Variants in ZNF609 observed in about 807,000 individuals in gnomAD.
The protein encoded by ZNF609 is zinc finger protein 609.
In ZNF609, 11 loss-of-function variants were observed where a neutral mutation model predicts 109.5. The ratio of observed to expected loss-of-function variants is 0.10; its 90% confidence interval spans 0.06 to 0.17. The LOEUF (loss-of-function observed/expected upper bound fraction) is 0.17, where lower values mean the gene tolerates loss of function less well. ZNF609 is among the 10% of genes least tolerant of loss of function. The pLI, the probability that ZNF609 is intolerant of heterozygous loss-of-function variation, is 1.00. For missense variants in ZNF609, 1,559 were observed against 1,772.4 expected (o/e 0.88, Z 2.16); for synonymous variants, 646 against 662.0 (o/e 0.98, Z 0.37).
chr15:64,537,737 T>C (rs1336497810), intron 2 of ZNF609, among the ~76,000 whole-genome samples: 3 of 152,204 alleles, frequency 2.0e-5, no homozygotes, highest in Non-Finnish European at 4.4e-5. Flanking sequence ...TGTGGCCCTT[T>C]GGCAGAACAC....
At chr15:64,650,158 C>T (rs541083201) in intron 3 of ZNF609, among the ~76,000 whole-genome samples, 31 of 150,900 alleles carry the variant, frequency 2.1e-4, no homozygotes, top group Admixed American at 4.6e-4. Context: ...AATCCTAGCA[C>T]TTTGGGAGGC....
At chr15:64,503,074 GAA>G in intron 2 of ZNF609, 2 of 123,364 alleles carry the variant, frequency 1.6e-5, no homozygotes, top group Non-Finnish European at 3.8e-5. Context: ...AAAAAAAAAA[GAA>G]AGAGAGAAAT....
At chr15:64,566,387 A>G (rs1408636635) in intron 2 of ZNF609, among the ~76,000 whole-genome samples, 1 of 152,212 alleles carries the variant, frequency 6.6e-6, no homozygotes, top group Non-Finnish European at 1.5e-5. Context: ...AGAAAGAAGC[A>G]AGCATGACCA....
chr15:64,581,095 A>G (rs964271427), intron 2 of ZNF609, among the ~76,000 whole-genome samples: 1 of 150,794 alleles, frequency 6.6e-6, no homozygotes, highest in African/African-American at 2.4e-5. Context: ...TTACACTCAT[A>G]GCACACTGTG....
chr15:64,630,480 ATTTAACTT>A (rs1454195732), intron 3 of ZNF609, among the ~76,000 whole-genome samples: 1 of 152,080 alleles, frequency 6.6e-6, no homozygotes, highest in Non-Finnish European at 1.5e-5. Context: ...CAGTATATAT[ATTTAACTT>A]TTCACAGTTT....
intron 2 of ZNF609, among the ~76,000 whole-genome samples, chr15:64,584,606 T>C (rs1895165230): frequency 2.6e-5 from 4 of 151,838 alleles, no homozygotes; most frequent in Admixed American, 2.6e-4. Context: ...GGTCAGCCAC[T>C]GCACCCAGCC....
At chr15:64,617,093 CCA>C (rs1895811823) in intron 2 of ZNF609, among the ~76,000 whole-genome samples, 1 of 151,970 alleles carries the variant, frequency 6.6e-6, no homozygotes, top group African/African-American at 2.4e-5. Flanking sequence ...CAGGCGTGAG[CCA>C]CTGCGTCCGG....
intron 1 of ZNF609, among the ~76,000 whole-genome samples, chr15:64,475,979 T>G (rs1316682038): frequency 6.6e-6 from 1 of 152,180 alleles, no homozygotes; most frequent in African/African-American, 2.4e-5. Flanking sequence ...GGTGAATGCC[T>G]TGAGAAATTG....
intron 2 of ZNF609, among the ~76,000 whole-genome samples, chr15:64,572,931 C>G (rs1358738245): frequency 6.6e-6 from 1 of 152,124 alleles, no homozygotes; most frequent in Admixed American, 6.6e-5. Flanking sequence ...AAGAAAGTCT[C>G]CTTTCCAAAA....
intron 2 of ZNF609, among the ~76,000 whole-genome samples, chr15:64,573,526 ATT>A (rs61063013): frequency 7.1e-6 from 1 of 140,114 alleles, no homozygotes; most frequent in Non-Finnish European, 1.6e-5. Flanking sequence ...GGCTAATTTA[ATT>A]TTTTTTTTTT....
intron 3 of ZNF609, among the ~76,000 whole-genome samples, chr15:64,668,013 A>G (rs570493142): frequency 6.6e-6 from 1 of 152,344 alleles, no homozygotes; most frequent in South Asian, 2.1e-4. Flanking sequence ...TTATTAGAAT[A>G]GAAGTGTGAT....
intron 9 of ZNF609, 26 bp from the exon 10 acceptor site, chr15:64,681,666 G>C: frequency 3.0e-6 from 1 of 338,938 alleles, no homozygotes; most frequent in Admixed American, 4.2e-5. Flanking sequence ...TGAGTGCCTG[G>C]TTATCTGTCC....
At chr15:64,491,923 T>G (rs546534009) in intron 1 of ZNF609, among the ~76,000 whole-genome samples, 1 of 151,642 alleles carries the variant, frequency 6.6e-6, no homozygotes, top group East Asian at 2.0e-4. Context: ...ATGGAGTCTG[T>G]CAGTCACGAC....
In ZNF609 at chr15:64,685,529, C is replaced by A. The variant is rs965246492; in HGVS notation, c.*3843C>A. The A allele has an allele frequency of 6.5e-6, 1 of 152,818 alleles. No homozygotes were observed. Among genetic ancestry groups the A allele is most frequent in the Non-Finnish European group, 1.5e-5 (1 of 68,198 alleles). 9.5% of individuals were successfully genotyped at this position (152,818 alleles called of 1,614,324 possible). On this transcript the variant is annotated 3_prime_UTR_variant, in exon 10 of 10. Transcript: ENST00000326648. ...GGAGCTTTACTCTGTGCCCTGGCCT[C>A]CCCTCTCTTCACCTTTAGATTTCCA...
rs147313817 is a variant in ZNF609, at chr15:64,495,623, A to T, written c.-127-3670A>T. ...GTCATGCTGGCTAGGCTGATCTCAA[A>T]CTCCTGATCCTCAAGCGATCCACCC... On this transcript the variant is annotated intron_variant, in intron 1 of 9. Coordinates refer to ENST00000326648, the MANE Select transcript of ZNF609 (RefSeq NM_015042.2). 8.6e-5 allele frequency among the ~76,000 whole-genome samples: 13 copies of T among 151,196 alleles called. No individual in the cohort carries two copies. In the East Asian group the frequency reaches 2.5e-3, roughly 29 times the overall value.
intron 3 of ZNF609, chr15:64,630,979 A>T (rs1045454584): frequency 4.4e-6 from 1 of 229,760 alleles, no homozygotes; most frequent in Admixed American, 5.2e-5. Flanking sequence ...TAGTAAAGAC[A>T]TTACATAATG....
At chr15:64,607,163 T>TA (rs1322969980) in intron 2 of ZNF609, among the ~76,000 whole-genome samples, 1 of 108,168 alleles carries the variant, frequency 9.2e-6, no homozygotes, top group African/African-American at 3.2e-5. Context: ...ATAAATAAAG[T>TA]AAAAAATAAA....
At chr15:64,476,549 T>G (rs1449798631) in intron 1 of ZNF609, among the ~76,000 whole-genome samples, 1 of 152,158 alleles carries the variant, frequency 6.6e-6, no homozygotes, top group East Asian at 1.9e-4. Context: ...TGGATTCTCT[T>G]CTGCCCAGCA....
At chr15:64,575,787 T>C (rs768621868) in intron 2 of ZNF609, among the ~76,000 whole-genome samples, 2 of 152,180 alleles carry the variant, frequency 1.3e-5, no homozygotes, top group Non-Finnish European at 2.9e-5. Context: ...GCTGGTTTTA[T>C]CTGAGAAAAT....
Sources: gnomAD v4.1 joint callset for allele counts (sites outside exome capture counted in the v4.1 genomes callset) on GRCh38, gnomAD v4.1.1 for gene constraint, MANE v1.5 for transcripts, NCBI Gene and HGNC (gene_info 2026-07-23, HGNC 2026-07-21) for gene names.